FRMD6: variants seen among roughly 807,000 people sequenced by gnomAD.
FRMD6 encodes the protein FERM domain containing 6.
FRMD6 carries 37 observed loss-of-function variants against 73.2 expected under a neutral mutation model. The ratio of observed to expected loss-of-function variants is 0.51; its 90% confidence interval spans 0.39 to 0.66. FRMD6 has a LOEUF of 0.66. Ranked by LOEUF, FRMD6 falls within the 30% of genes least tolerant of loss-of-function variation. The pLI is 0.00. For missense variants in FRMD6, 714 were observed against 780.5 expected (o/e 0.91, Z 1.02); for synonymous variants, 273 against 282.2 (o/e 0.97, Z 0.33).
chr14:51,694,371 G>A (rs1463225521), intron 2 of FRMD6, among the ~76,000 whole-genome samples: 2 of 152,004 alleles, frequency 1.3e-5, no homozygotes, highest in Non-Finnish European at 2.9e-5. Flanking sequence ...TTAACATTTA[G>A]GATCACATAC....
At chr14:51,501,786 T>C (rs1883634863) in intron 1 of FRMD6, among the ~76,000 whole-genome samples, 1 of 152,198 alleles carries the variant, frequency 6.6e-6, no homozygotes, top group Non-Finnish European at 1.5e-5. Context: ...TCTGGGTCTT[T>C]GAGGAATCAC....
upstream of FRMD6, chr14:51,649,831 T>C (rs1892253808): frequency 6.6e-6 from 1 of 152,204 alleles, no homozygotes. Flanking sequence ...TAATCATAAT[T>C]CACTGTGGCC....
chr14:51,706,043 C>G (rs1031591718), intron 6 of FRMD6, among the ~76,000 whole-genome samples: 1 of 151,984 alleles, frequency 6.6e-6, no homozygotes, highest in Non-Finnish European at 1.5e-5. Flanking sequence ...TCAAGATGTC[C>G]TAAATCAAAT....
the FRMD6 span, among the ~76,000 whole-genome samples, chr14:51,477,247 A>G: frequency 1.3e-5 from 2 of 152,232 alleles, no homozygotes; most frequent in Non-Finnish European, 2.9e-5. Context: ...AATGAACATT[A>G]GGATGGGATC....
chr14:51,417,987 G>A, the FRMD6 span, among the ~76,000 whole-genome samples: 225 of 152,188 alleles, frequency 1.5e-3, 1 homozygote, highest in African/African-American at 5.2e-3. Context: ...CTTGTGCCAC[G>A]GTTTTCGGCT....
chr14:51,493,039 G>A (rs1883106525), intron 1 of FRMD6, among the ~76,000 whole-genome samples: 1 of 152,156 alleles, frequency 6.6e-6, no homozygotes, highest in Non-Finnish European at 1.5e-5. Flanking sequence ...AGCAGATGGG[G>A]AAACTGAGAC....
intron 2 of FRMD6, among the ~76,000 whole-genome samples, chr14:51,634,963 C>CT (rs988025686): frequency 1.3e-5 from 2 of 152,156 alleles, no homozygotes; most frequent in African/African-American, 4.8e-5. Flanking sequence ...TAAGCTGCTG[C>CT]TTTTTTTCTT....
intron 1 of FRMD6, among the ~76,000 whole-genome samples, chr14:51,670,869 A>G (rs995392033): frequency 5.3e-5 from 8 of 152,170 alleles, no homozygotes; most frequent in Non-Finnish European, 1.0e-4. Flanking sequence ...CTGGTCTCGA[A>G]TTCCTGACCT....
chr14:51,405,345 T>C, the FRMD6 span, among the ~76,000 whole-genome samples: 1 of 152,196 alleles, frequency 6.6e-6, no homozygotes, highest in Non-Finnish European at 1.5e-5. Flanking sequence ...CTTTAAGGAA[T>C]TGCCATGCTA....
the FRMD6 span, among the ~76,000 whole-genome samples, chr14:51,459,376 G>A: frequency 6.6e-6 from 1 of 152,158 alleles, no homozygotes; most frequent in African/African-American, 2.4e-5. Flanking sequence ...TTGCCTATCC[G>A]GCACTGAAAT....
At chr14:51,623,057 T>G (rs1566508757) in intron 2 of FRMD6, among the ~76,000 whole-genome samples, 1 of 152,176 alleles carries the variant, frequency 6.6e-6, no homozygotes, top group African/African-American at 2.4e-5. Context: ...TCATTTGTCA[T>G]AAGATCCTCT....
chr14:51,625,423 T>G (rs1350433592), intron 2 of FRMD6, among the ~76,000 whole-genome samples: 1 of 152,066 alleles, frequency 6.6e-6, no homozygotes, highest in African/African-American at 2.4e-5. Context: ...AAGCCTATAT[T>G]TGTCCCATGG....
the FRMD6 span, among the ~76,000 whole-genome samples, chr14:51,456,189 T>C: frequency 6.6e-6 from 1 of 152,200 alleles, no homozygotes; most frequent in East Asian, 1.9e-4. Context: ...CTGGGATACA[T>C]TCTGCAGAAC....
the FRMD6 span, chr14:51,436,549 A>C: frequency 1.5e-6 from 1 of 665,054 alleles, no homozygotes; most frequent in Admixed American, 2.3e-5. Flanking sequence ...ACTGAAATCA[A>C]ATGGAAATCT....
the FRMD6 span, among the ~76,000 whole-genome samples, chr14:51,460,579 A>T: frequency 1.3e-5 from 2 of 152,248 alleles, no homozygotes; most frequent in Non-Finnish European, 2.9e-5. Flanking sequence ...CATATTTTTT[A>T]AAGCTTTCTA....
At chr14:51,689,199 C>T (rs1408717077) in intron 1 of FRMD6, among the ~76,000 whole-genome samples, 1 of 152,206 alleles carries the variant, frequency 6.6e-6, no homozygotes, top group Non-Finnish European at 1.5e-5. Flanking sequence ...CATGGGCTTC[C>T]TTTGGCAGAG....
the FRMD6 span, among the ~76,000 whole-genome samples, chr14:51,405,585 C>G: frequency 3.4e-5 from 5 of 149,228 alleles, no homozygotes; most frequent in African/African-American, 1.2e-4. Context: ...TTTTTTTTTT[C>G]AAATGTTTGT....
chr14:51,505,076 A>T (rs182760008), intron 1 of FRMD6, among the ~76,000 whole-genome samples: 4 of 152,148 alleles, frequency 2.6e-5, no homozygotes, highest in South Asian at 2.1e-4. Flanking sequence ...CACATCTCCA[A>T]TGGGGAAGCA....
At chr14:51,592,444 G>A (rs1286282447) in intron 2 of FRMD6, among the ~76,000 whole-genome samples, 1 of 152,208 alleles carries the variant, frequency 6.6e-6, no homozygotes, top group African/African-American at 2.4e-5. Context: ...CCTGTACAGT[G>A]TTTTAAATAA....
Sources: gnomAD v4.1 joint callset for allele counts (sites outside exome capture counted in the v4.1 genomes callset) on GRCh38, gnomAD v4.1.1 for gene constraint, MANE v1.5 for transcripts, NCBI Gene and HGNC (gene_info 2026-07-23, HGNC 2026-07-21) for gene names.